The following ABCB1 variants were observed in gnomAD, a reference collection of about 807,000 sequenced individuals.
The protein encoded by ABCB1 is ATP-dependent translocase ABCB1.
ABCB1 carries 69 observed loss-of-function variants against 142.0 expected under a neutral mutation model. That is an observed-to-expected ratio of 0.49 (90% CI 0.40 to 0.59). The LOEUF (loss-of-function observed/expected upper bound fraction) is 0.59, where lower values mean the gene tolerates loss of function less well. ABCB1 is among the 20% of genes least tolerant of loss of function. The pLI is 0.00. For synonymous variants in ABCB1, 532 were observed against 539.2 expected (o/e 0.99, Z 0.18); for missense variants, 1,326 against 1,554.7 (o/e 0.85, Z 2.47).
In ABCB1 at chr7:87,527,427, T is replaced by C. The variant is rs915475495; in HGVS notation, c.2685+3867A>G. Among the ~76,000 whole-genome samples the C allele has an allele frequency of 2.6e-5, 4 of 152,338 alleles. No homozygotes were observed. The South Asian group carries it at 8.3e-4, about 32-fold the overall frequency. On this transcript the variant is annotated intron_variant, in intron 21 of 27. Transcript: ENST00000622132. ...ATTTTGTTTTTGTTTTGTTTTGTTT[T>C]CTTTTACAATGGTTCTTATGCTAGA...
chr7:87,575,616 G>A (rs984054353), intron 4 of ABCB1, among the ~76,000 whole-genome samples: 5 of 151,994 alleles, frequency 3.3e-5, no homozygotes, highest in African/African-American at 9.6e-5. Context: ...TCCATCAACC[G>A]CAGGGAAGGG....
At chr7:87,562,989 G>A (rs754704526) in intron 7 of ABCB1, among the ~76,000 whole-genome samples, 19 of 152,098 alleles carry the variant, frequency 1.2e-4, no homozygotes, top group Non-Finnish European at 2.5e-4. Context: ...TCATGATGCA[G>A]AACAATTCAG....
Position 87,622,164 on chromosome 7 carries a change from T to C in ABCB1, c.-330-21086A>G, listed in dbSNP as rs368366683. On this transcript the variant is annotated intron_variant, in intron 1 of 28. Transcript: ENST00000265724. ...TTTTAAACATCTCTTTATAAATAAC[T>C]CACACCATAGGTAAGGCAAACAACG... 1.1e-4 allele frequency among the ~76,000 whole-genome samples: 17 copies of C among 152,224 alleles called. No homozygotes were observed. In the East Asian group the frequency reaches 2.3e-3, roughly 21 times the overall value.
intron 1 of ABCB1, among the ~76,000 whole-genome samples, chr7:87,684,122 G>C (rs952114730): frequency 6.6e-6 from 1 of 152,164 alleles, no homozygotes; most frequent in Non-Finnish European, 1.5e-5. Context: ...TTTACAGCTA[G>C]GTATTAGAAG....
At position 87,635,833 on chromosome 7, in the gene ABCB1, A is replaced by G. The variant is rs1055165072; in HGVS notation, c.-330-34755T>C. On this transcript the variant is annotated intron_variant, in intron 1 of 28. Coordinates refer to the ABCB1 transcript ENST00000265724. ...TTGCCTTTTTAAATATTTTAAATGA[A>G]TGGAATAATACAGTATAGACCTTTT... Among the ~76,000 whole-genome samples, 23 of 152,184 alleles carry G rather than the reference A, an allele frequency of 1.5e-4. 1 individual carries two copies. Among genetic ancestry groups the G allele is most frequent in the Admixed American group, 5.2e-4 (8 of 15,274 alleles).
At chr7:87,664,459 A>C (rs1825031843) in intron 1 of ABCB1, among the ~76,000 whole-genome samples, 1 of 152,204 alleles carries the variant, frequency 6.6e-6, no homozygotes, top group African/African-American at 2.4e-5. Flanking sequence ...CAGATGTTGG[A>C]ATAATCAGGC....
At chr7:87,689,207 G>A (rs1452220932) in intron 1 of ABCB1, among the ~76,000 whole-genome samples, 2 of 151,990 alleles carry the variant, frequency 1.3e-5, no homozygotes, top group Admixed American at 6.6e-5. Flanking sequence ...TATAATAAGA[G>A]AGTTAAAGAA....
chr7:87,514,902 C>T (rs1044303433), intron 25 of ABCB1, among the ~76,000 whole-genome samples: 6 of 152,238 alleles, frequency 3.9e-5, no homozygotes, highest in African/African-American at 1.4e-4. Context: ...GCTTTCATCT[C>T]ACTCCTAGCA....
chr7:87,665,381 GA>G (rs1289155492), intron 1 of ABCB1, among the ~76,000 whole-genome samples: 3 of 152,084 alleles, frequency 2.0e-5, no homozygotes, highest in Non-Finnish European at 4.4e-5. Context: ...TTCAGGCAAG[GA>G]AGTGAAACCT....
In ABCB1 at chr7:87,503,285, T is replaced by TA. The variant is rs569208151; in HGVS notation, c.*957dup. On this transcript the variant is annotated 3_prime_UTR_variant, in exon 28 of 28. Transcript: ENST00000622132. ...TGTTAATAATGCTTTTTGGCTAATT[T>TA]AAAAAAATTTGTCGTCCAGAGTCCC... 5.6e-3 allele frequency among the ~76,000 whole-genome samples: 849 copies of TA among 152,220 alleles called. 7 individuals are homozygous for TA. Among genetic ancestry groups the TA allele is most frequent in the African/African-American group, 0.019 (775 of 41,550 alleles).
intron 3 of ABCB1, among the ~76,000 whole-genome samples, chr7:87,588,167 T>A (rs985301545): frequency 1.3e-5 from 2 of 150,002 alleles, no homozygotes. Flanking sequence ...TTTTTTTTTT[T>A]ATTATTTTTT....
At chr7:87,508,752 A>G (rs552161453) in intron 26 of ABCB1, among the ~76,000 whole-genome samples, 1 of 152,276 alleles carries the variant, frequency 6.6e-6, no homozygotes, top group Non-Finnish European at 1.5e-5. Context: ...AGCCCTCTGG[A>G]CTGGACTGAC....
intron 4 of ABCB1, among the ~76,000 whole-genome samples, chr7:87,584,814 A>C (rs1403287396): frequency 6.6e-6 from 1 of 152,040 alleles, no homozygotes; most frequent in East Asian, 1.9e-4. Context: ...TCAGCACTGG[A>C]TTCCATTTTT....
chr7:87,665,136 G>C (rs1421792649), intron 1 of ABCB1, among the ~76,000 whole-genome samples: 1 of 152,044 alleles, frequency 6.6e-6, no homozygotes, highest in African/African-American at 2.4e-5. Context: ...AGGTATCCAA[G>C]TTAGAACATA....
intron 4 of ABCB1, among the ~76,000 whole-genome samples, chr7:87,577,822 T>C (rs1185470231): frequency 6.6e-6 from 1 of 152,246 alleles, no homozygotes; most frequent in Non-Finnish European, 1.5e-5. Flanking sequence ...GTTATTAATC[T>C]GATGTCAGAT....
chr7:87,568,248 T>TAATA (rs1322416111), intron 5 of ABCB1, among the ~76,000 whole-genome samples: 2 of 130,712 alleles, frequency 1.5e-5, no homozygotes, highest in Non-Finnish European at 3.2e-5. Context: ...ACGACAATAA[T>TAATA]AATAATAATA....
At position 87,634,241 on chromosome 7, in the gene ABCB1, C is replaced by T. The variant is rs184677466; in HGVS notation, c.-330-33163G>A. Among the ~76,000 whole-genome samples, 21 of 152,242 alleles carry T rather than the reference C, an allele frequency of 1.4e-4. No individual in the cohort carries two copies. In the East Asian group the frequency reaches 3.9e-3, roughly 28 times the overall value. ...TCCTGCTAGGCCCCACCTCCCAACA[C>T]CATCACATTGGAGATCAAATTTCAA... On this transcript the variant is annotated intron_variant, in intron 1 of 28. Transcript: ENST00000265724.
intron 8 of ABCB1, among the ~76,000 whole-genome samples, chr7:87,554,661 C>T (rs1287902909): frequency 2.0e-5 from 3 of 152,196 alleles, no homozygotes; most frequent in Non-Finnish European, 2.9e-5. Flanking sequence ...GACTATGTGT[C>T]CTTCCCTCTA....
chr7:87,566,884 A>G lies in ABCB1; in HGVS notation c.431T>C (p.Ile144Thr), dbSNP rs61607171. The G allele has an allele frequency of 5.0e-4, 812 of 1,613,982 alleles. 2 individuals are homozygous for G. Among genetic ancestry groups the G allele is most frequent in the Non-Finnish European group, 6.6e-4 (776 of 1,180,026 alleles). ...SFWCLAAGRQ[I>T]HKIRKQFFHA... is the part of the protein sequence containing the mutation. ...AAAAAACTGTTTTCTAATTTTGTGTATTTGTCTTCCAGCTGCCAGGCACCA... is the reference window on the plus strand; with the variant it reads ...AAAAAACTGTTTTCTAATTTTGTGTGTTTGTCTTCCAGCTGCCAGGCACCA... The change falls in exon 6 of 28, where the codon ATA becomes ACA. Residue 144 changes from isoleucine to threonine, a missense_variant. Transcript: ENST00000622132.
Sources: gnomAD v4.1 joint callset for allele counts (sites outside exome capture counted in the v4.1 genomes callset) on GRCh38, gnomAD v4.1.1 for gene constraint, MANE v1.5 for transcripts, NCBI Gene and HGNC (gene_info 2026-07-23, HGNC 2026-07-21) for gene names.